The following TMEM266 variants were observed in gnomAD, a reference collection of about 807,000 sequenced individuals.
TMEM266 encodes the protein Hv1 related protein 1.
TMEM266 carries 33 observed loss-of-function variants against 50.5 expected under a neutral mutation model. The ratio of observed to expected loss-of-function variants is 0.65; its 90% confidence interval spans 0.50 to 0.87. The LOEUF (loss-of-function observed/expected upper bound fraction) is 0.87, where lower values mean the gene tolerates loss of function less well. TMEM266 is among the 40% of genes least tolerant of loss of function. The probability of loss-of-function intolerance (pLI) is 0.00; values close to 1 mark genes in which losing one functional copy is unlikely to be tolerated. For synonymous variants in TMEM266, 310 were observed against 292.3 expected, an observed-to-expected ratio of 1.06 and a Z score of -0.62; for missense variants, 655 against 695.1, an observed-to-expected ratio of 0.94 and a Z score of 0.65.
At chr15:76,099,868 G>C (rs969288600) in intron 1 of TMEM266, among the ~76,000 whole-genome samples, 2 of 152,208 alleles carry the variant, frequency 1.3e-5, no homozygotes, top group African/African-American at 4.8e-5. Context: ...CATGGTGGAA[G>C]GCAAAGAGGA....
rs183801512 is a variant in TMEM266, at chr15:76,133,160, G to A, written c.-96-1008G>A. Among the ~76,000 whole-genome samples, 718 of 147,860 alleles carry A rather than the reference G, an allele frequency of 4.9e-3. 9 individuals carry two copies. Among genetic ancestry groups the A allele is most frequent in the African/African-American group, 0.016 (638 of 39,970 alleles). On this transcript the variant is annotated intron_variant, in intron 1 of 10. Coordinates refer to ENST00000388942, the MANE Select transcript of TMEM266 (RefSeq NM_152335.3). The stretch of plus-strand genomic sequence containing the variant: ...AATAAATAAATAAATCAGGCCGGGC[G>A]CGGTGGCTCACGCCTGTAATCCCAG...
chr15:76,171,759 T>C (rs901765004), intron 7 of TMEM266, among the ~76,000 whole-genome samples: 11 of 152,196 alleles, frequency 7.2e-5, no homozygotes, highest in Non-Finnish European at 1.6e-4. Context: ...TCCTTTGTCA[T>C]TGCTTTATCA....
At chr15:76,200,757 C>T (rs1338291594) in intron 9 of TMEM266, among the ~76,000 whole-genome samples, 1 of 152,186 alleles carries the variant, frequency 6.6e-6, no homozygotes, top group East Asian at 1.9e-4. Context: ...GTACACACAG[C>T]GTATGGATGC....
At chr15:76,163,619 C>A (rs2038049799) in intron 5 of TMEM266, among the ~76,000 whole-genome samples, 1 of 152,164 alleles carries the variant, frequency 6.6e-6, no homozygotes, top group South Asian at 2.1e-4. Flanking sequence ...CCCAGCTGGC[C>A]ACTTGGAACT....
intron 3 of TMEM266, among the ~76,000 whole-genome samples, chr15:76,149,483 C>A (rs75390773): frequency 6.6e-6 from 1 of 152,186 alleles, no homozygotes; most frequent in Non-Finnish European, 1.5e-5. Flanking sequence ...TATTCATCCC[C>A]CTTCTAATGA....
At chr15:76,092,964 C>A (rs1384474263) in intron 1 of TMEM266, among the ~76,000 whole-genome samples, 2 of 150,996 alleles carry the variant, frequency 1.3e-5, no homozygotes, top group Non-Finnish European at 3.0e-5. Context: ...TGCACCACCA[C>A]ACCCAACTAA....
intron 1 of TMEM266, among the ~76,000 whole-genome samples, chr15:76,126,527 A>G (rs1011046761): frequency 2.0e-5 from 3 of 150,394 alleles, no homozygotes; most frequent in Non-Finnish European, 2.9e-5. Flanking sequence ...TCTCACTTAT[A>G]GTTAGAATTT....
At chr15:76,098,608 G>A (rs1252301380) in intron 1 of TMEM266, among the ~76,000 whole-genome samples, 1 of 152,114 alleles carries the variant, frequency 6.6e-6, no homozygotes, top group Non-Finnish European at 1.5e-5. Context: ...CTTGAACACT[G>A]TGCTGGGAGA....
chr15:76,167,397 GA>G (rs2038113760), intron 5 of TMEM266, among the ~76,000 whole-genome samples: 1 of 150,746 alleles, frequency 6.6e-6, no homozygotes, highest in Non-Finnish European at 1.5e-5. Flanking sequence ...GTGAACCTAG[GA>G]GGAGGAGCTT....
At chr15:76,175,983 C>T (rs948866349) in intron 8 of TMEM266, 11 of 265,104 alleles carry the variant, frequency 4.1e-5, no homozygotes, top group Admixed American at 3.6e-4. Flanking sequence ...AGAGTCTTCT[C>T]GGAGACATGG....
chr15:76,179,776 G>A (rs1315124848), intron 8 of TMEM266, among the ~76,000 whole-genome samples: 1 of 152,132 alleles, frequency 6.6e-6, no homozygotes, highest in Non-Finnish European at 1.5e-5. Flanking sequence ...CCAATGAAAT[G>A]TGTTAGGGTC....
At position 76,097,026 on chromosome 15, in the gene TMEM266, C is replaced by T. The variant is rs141267769; in HGVS notation, c.-97+37010C>T. Among the ~76,000 whole-genome samples, 318 of 149,314 alleles carry T rather than the reference C, an allele frequency of 2.1e-3. 2 individuals carry two copies. The highest frequency in any genetic ancestry group is 7.4e-3 in the African/African-American group (300 of 40,664). ...GTGTGTCTTTGCACGTGAGATGGGTCTCCTGAATACAGCACACAGATGGGT... is the reference window on the plus strand; with the variant it reads ...GTGTGTCTTTGCACGTGAGATGGGTTTCCTGAATACAGCACACAGATGGGT... On this transcript the variant is annotated intron_variant, in intron 1 of 10. Transcript: ENST00000388942.
intron 9 of TMEM266, among the ~76,000 whole-genome samples, chr15:76,198,998 CTG>C (rs2038699322): frequency 1.0e-5 from 1 of 95,546 alleles, no homozygotes; most frequent in Non-Finnish European, 2.4e-5. Flanking sequence ...GACCTCGGCT[CTG>C]TGTCAGGCAC....
At chr15:76,159,700 C>T (rs1446450075) in intron 4 of TMEM266, among the ~76,000 whole-genome samples, 1 of 152,112 alleles carries the variant, frequency 6.6e-6, no homozygotes. Flanking sequence ...TTCTAAAAGC[C>T]CATCCAGCCT....
chr15:76,202,916 C>T (rs1262232268), intron 10 of TMEM266, among the ~76,000 whole-genome samples: 1 of 151,890 alleles, frequency 6.6e-6, no homozygotes, highest in African/African-American at 2.4e-5. Context: ...TTTTGTTTTC[C>T]ACAATTTAGT....
At chr15:76,148,278 A>G (rs1261847698) in intron 3 of TMEM266, among the ~76,000 whole-genome samples, 1 of 152,198 alleles carries the variant, frequency 6.6e-6, no homozygotes, top group Non-Finnish European at 1.5e-5. Context: ...GACTTTGGCC[A>G]AATAGAAGGA....
chr15:76,191,289 G>T (rs1014676914), intron 8 of TMEM266, among the ~76,000 whole-genome samples: 1 of 152,216 alleles, frequency 6.6e-6, no homozygotes, highest in Non-Finnish European at 1.5e-5. Context: ...ATTCAAATAG[G>T]CTGCCACGCC....
intron 1 of TMEM266, among the ~76,000 whole-genome samples, chr15:76,078,078 C>A (rs1272872961): frequency 2.0e-5 from 3 of 151,980 alleles, no homozygotes; most frequent in Admixed American, 6.5e-5. Context: ...GGCAGTTGAC[C>A]TGAGAACATA....
intron 1 of TMEM266, among the ~76,000 whole-genome samples, chr15:76,082,125 C>T (rs2036703091): frequency 6.6e-6 from 1 of 152,174 alleles, no homozygotes; most frequent in Non-Finnish European, 1.5e-5. Context: ...AACACTCTTC[C>T]CACAACCCTG....
Sources: allele counts gnomAD v4.1 joint callset (sites outside exome capture counted in the v4.1 genomes callset), GRCh38; gene constraint gnomAD v4.1.1; transcripts MANE v1.5; gene names NCBI Gene and HGNC (gene_info 2026-07-23, HGNC 2026-07-21).